Variants in ZSCAN30 observed in about 807,000 individuals in gnomAD.
ZSCAN30 encodes zinc finger and SCAN domain-containing protein 30.
A neutral mutation model predicts 44.3 loss-of-function variants in ZSCAN30; 37 were observed. The ratio of observed to expected loss-of-function variants is 0.84; its 90% CI spans 0.64 to 1.10. The LOEUF (loss-of-function observed/expected upper bound fraction) is 1.10. Among genes scored for constraint, ZSCAN30 ranks in the 50% least tolerant of loss-of-function variants. The probability of loss-of-function intolerance (pLI) is 0.00; values close to 1 mark genes in which losing one functional copy is unlikely to be tolerated. For missense variants in ZSCAN30, 549 were observed against 582.6 expected (o/e 0.94, Z 0.59); for synonymous variants, 181 against 204.6 (o/e 0.88, Z 0.98).
chr18:35,273,396 T>C (rs183294779), intron 1 of ZSCAN30, among the ~76,000 whole-genome samples: 2 of 152,394 alleles, frequency 1.3e-5, no homozygotes, highest in Admixed American at 1.3e-4. Context: ...TAGGGCTGAA[T>C]AATATTCTAT....
At position 35,253,075 on chromosome 18, in the gene ZSCAN30, T is replaced by C. The variant is rs1336320976; in HGVS notation, c.*375A>G. The stretch of plus-strand genomic sequence containing the variant: ...AATACAAATGCTCTTGCCAGGCACA[T>C]TTGCCATCTTATAAGAAGCTCTTTC... On this transcript the variant is annotated 3_prime_UTR_variant, in exon 4 of 4. Transcript: ENST00000333206. The C allele has an allele frequency of 1.2e-5, 2 of 173,362 alleles. No individual in the cohort carries two copies. Among genetic ancestry groups the C allele is most frequent in the Non-Finnish European group, 2.4e-5 (2 of 81,838 alleles). The allele number at this position is 173,362 out of a possible 1,614,324, so 10.7% of individuals were successfully genotyped here. A position where few individuals can be genotyped will look rare whatever the true frequency, so the allele number is the denominator to read the frequency against.
rs117589615 is a variant in ZSCAN30 at position 35,277,576 on chromosome 18, G to A, written c.-104+12508C>T. Among the ~76,000 whole-genome samples, 286 of 152,240 alleles carry A rather than the reference G, an allele frequency of 1.9e-3. 1 individual carries two copies. The highest frequency in any genetic ancestry group is 4.8e-3 in the East Asian group (25 of 5,182). ...GCTTGGCACTTCTTCTTACCACCAT[G>A]TGAAGAAGGATATGTTTGCTTCCCC... On this transcript the variant is annotated intron_variant, in intron 1 of 3. Coordinates refer to ENST00000333206, the MANE Select transcript of ZSCAN30 (RefSeq NM_001112734.4).
Position 35,263,501 on chromosome 18 carries a change from G to A in ZSCAN30, c.553+12C>T, listed in dbSNP as rs767871311. ...CTCCATCCTCAACCCCACATGGACT[G>A]GGGCTTCTCACCTCTCTCCTGGAAA... is the stretch of plus-strand genomic sequence containing the variant. On this transcript the variant is annotated intron_variant, in intron 3 of 3. Coordinates refer to ENST00000333206, the MANE Select transcript of ZSCAN30 (RefSeq NM_001112734.4). The A allele has an allele frequency of 2.5e-6, 4 of 1,614,060 alleles. No homozygotes were observed. The highest frequency in any genetic ancestry group is 3.3e-5 in the Admixed American group (2 of 60,020).
intron 1 of ZSCAN30, among the ~76,000 whole-genome samples, chr18:35,264,784 A>AGCAC (rs1363761104): frequency 1.8e-4 from 27 of 152,216 alleles, no homozygotes; most frequent in African/African-American, 6.5e-4. Context: ...CATTTTATTG[A>AGCAC]TCACTAGCTT....
intron 1 of ZSCAN30, among the ~76,000 whole-genome samples, chr18:35,270,858 C>T (rs148397252): frequency 3.9e-5 from 6 of 152,318 alleles, no homozygotes; most frequent in Admixed American, 2.0e-4. Context: ...TTCTAATGTT[C>T]GGACATGTTC....
intron 1 of ZSCAN30, chr18:35,282,218 T>C (rs542220304): frequency 1.3e-5 from 2 of 152,338 alleles, no homozygotes; most frequent in African/African-American, 2.4e-5. Context: ...ATTTAAGTTA[T>C]AGGATATGAA....
Position 35,253,628 on chromosome 18 carries a change from G to C in ZSCAN30, c.1307C>G (p.Thr436Ser), listed in dbSNP as rs2043673786. Residue 436 changes from threonine to serine, a missense_variant, in exon 4 of 4, where the codon ACT (threonine) becomes AGT (serine). Thr to Ser is a moderately conservative substitution (Grantham distance 58). Transcript: ENST00000333206. ...ATTACATTCATAAGGTTTCTCTCCAGTGTGAATTCTTTGATGTTCAATAAG... is the reference window on the plus strand; with the variant it reads ...ATTACATTCATAAGGTTTCTCTCCACTGTGAATTCTTTGATGTTCAATAAG... ...SILIEHQRIH[T>S]GEKPYECNEC... 2 of 1,614,094 alleles carry C rather than the reference G, an allele frequency of 1.2e-6. No individual in the cohort carries two copies. Among genetic ancestry groups the C allele is most frequent in the East Asian group, 2.2e-5 (1 of 44,890 alleles).
intron 1 of ZSCAN30, among the ~76,000 whole-genome samples, chr18:35,272,640 C>A (rs891322126): frequency 1.1e-4 from 17 of 152,208 alleles, no homozygotes; most frequent in Admixed American, 7.9e-4. Context: ...CCTCCGTGCC[C>A]GGCCCATTTT....
chr18:35,274,567 C>A (rs922503806), intron 1 of ZSCAN30, among the ~76,000 whole-genome samples: 4 of 152,122 alleles, frequency 2.6e-5, no homozygotes, highest in African/African-American at 9.7e-5. Context: ...AGGTCCCAAC[C>A]CTTAGTCTCT....
chr18:35,254,126 T>G lies in ZSCAN30; in HGVS notation c.809A>C (p.His270Pro). 6.2e-7 allele frequency: 1 copy of G among 1,614,166 alleles called. No homozygotes were observed. Among genetic ancestry groups the G allele is most frequent in the Non-Finnish European group, 8.5e-7 (1 of 1,180,012 alleles). Residue 270 changes from histidine (H) to proline (P), a missense_variant, in exon 4 of 4, where the codon CAC (histidine) becomes CCC (proline). Physicochemically the swap from His to Pro is moderately conservative, Grantham distance 77. Transcript: ENST00000333206. ...ATFNRRIPTEHSVLESHESEG... is the reference protein window; with the variant it reads ...ATFNRRIPTEPSVLESHESEG... Reference sequence around the variant, plus strand: ...ACTCTCATGAGATTCAAGGACACTGTGTTCTGTGGGGATTCTTCTGTTGAA... The same window carrying G: ...ACTCTCATGAGATTCAAGGACACTGGGTTCTGTGGGGATTCTTCTGTTGAA...
At position 35,263,577 on chromosome 18, in the gene ZSCAN30, C is replaced by T. The variant is rs755156038; in HGVS notation, c.489G>A (p.Pro163=). ...GALKSLSLNS[P]VQPLENQCKT... ...TGCACTGGTTCTCTAAGGGCTGCACCGGGCTATTCAGAGACAGAGACTTCA... is the reference window on the plus strand; with the variant it reads ...TGCACTGGTTCTCTAAGGGCTGCACTGGGCTATTCAGAGACAGAGACTTCA... The change falls in exon 3 of 4, where the codon CCG becomes CCA. Residue 163 remains proline, a synonymous_variant. Transcript: ENST00000333206. 4.5e-5 allele frequency: 72 copies of T among 1,614,034 alleles called. No individual in the cohort carries two copies. Among genetic ancestry groups the T allele is most frequent in the Non-Finnish European group, 5.5e-5 (65 of 1,180,052 alleles).
At chr18:35,260,845 A>G (rs945220306) in intron 3 of ZSCAN30, 1 of 151,938 alleles carries the variant, frequency 6.6e-6, no homozygotes, top group African/African-American at 2.4e-5. Flanking sequence ...GCTGTGCAAA[A>G]GCTCTTTAAT....
chr18:35,254,155 T>C lies in ZSCAN30; in HGVS notation c.780A>G (p.Ala260=), dbSNP rs896646295. Residue 260 remains alanine (A), a synonymous_variant, in exon 4 of 4, where the codon GCA becomes GCG. Coordinates refer to ENST00000333206, the MANE Select transcript of ZSCAN30 (RefSeq NM_001112734.4). ...CTGTGGGGATTCTTCTGTTGAAGGTTGCCAGACTGAAATGTCTGTCCTGGG... is the reference window on the plus strand; with the variant it reads ...CTGTGGGGATTCTTCTGTTGAAGGTCGCCAGACTGAAATGTCTGTCCTGGG... ...LPSQDRHFSL[A]TFNRRIPTEH... 1.2e-6 allele frequency: 2 copies of C among 1,614,202 alleles called. No individual in the cohort carries two copies. Among genetic ancestry groups the C allele is most frequent in the Non-Finnish European group, 1.7e-6 (2 of 1,180,004 alleles).
chr18:35,272,856 AT>A (rs1409026785), intron 1 of ZSCAN30, among the ~76,000 whole-genome samples: 1 of 152,248 alleles, frequency 6.6e-6, no homozygotes, highest in Non-Finnish European at 1.5e-5. Flanking sequence ...GGTGAAAGGC[AT>A]GTCTCACATG....
intron 1 of ZSCAN30, chr18:35,289,349 C>T (rs1216074957): frequency 6.6e-6 from 1 of 152,140 alleles, no homozygotes; most frequent in Non-Finnish European, 1.5e-5. Flanking sequence ...ACATCTCTTT[C>T]CTCTTACGGT....
chr18:35,259,942 G>A (rs563143006), intron 3 of ZSCAN30, among the ~76,000 whole-genome samples: 1 of 152,194 alleles, frequency 6.6e-6, no homozygotes, highest in African/African-American at 2.4e-5. Flanking sequence ...TGCCATGGTG[G>A]TTTGCTGCAC....
At chr18:35,257,253 CTA>C (rs1483711772) in intron 3 of ZSCAN30, 3 of 152,380 alleles carry the variant, frequency 2.0e-5, no homozygotes, top group African/African-American at 7.2e-5. Context: ...AGCCTTAATG[CTA>C]TGTCAGTGAT....
intron 1 of ZSCAN30, 67 bp from the exon 2 acceptor site, chr18:35,264,522 T>G: frequency 1.4e-6 from 1 of 699,904 alleles, no homozygotes; most frequent in Non-Finnish European, 2.3e-6. Flanking sequence ...TACAGGTTTT[T>G]GAAGCCCAGT....
At chr18:35,258,142 G>C (rs1048409484) in intron 3 of ZSCAN30, 1 of 623,264 alleles carries the variant, frequency 1.6e-6, no homozygotes, top group Non-Finnish European at 2.9e-6. Context: ...GCTGTGAAAG[G>C]ATCCACATTA....
Sources: allele counts gnomAD v4.1 joint callset (sites outside exome capture counted in the v4.1 genomes callset), GRCh38; gene constraint gnomAD v4.1.1; transcripts MANE v1.5; gene names NCBI Gene and HGNC (gene_info 2026-07-23, HGNC 2026-07-21).